CFAP144: variants seen among roughly 807,000 people sequenced by gnomAD.
CFAP144 encodes the protein cilia- and flagella-associated protein 144.
At chr1:43,145,512 C>T in the CFAP144 span, among the ~76,000 whole-genome samples, 4 of 152,290 alleles carry the variant, frequency 2.6e-5, no homozygotes, top group East Asian at 5.8e-4. Context: ...GGGAGGGTCC[C>T]TCCATTGTGC....
At chr1:43,154,337 C>G in the CFAP144 span, among the ~76,000 whole-genome samples, 5 of 142,780 alleles carry the variant, frequency 3.5e-5, no homozygotes, top group African/African-American at 1.3e-4. Flanking sequence ...TATATATCCC[C>G]TCTTTTTATA....
At chr1:43,150,905 TG>T in the CFAP144 span, 1 of 1,129,366 alleles carries the variant, frequency 8.9e-7, no homozygotes, top group African/African-American at 1.6e-5. Context: ...CGTGATATCT[TG>T]GAGCAAGCAT....
chr1:43,149,388 C>G, the CFAP144 span, among the ~76,000 whole-genome samples: 1 of 152,200 alleles, frequency 6.6e-6, no homozygotes, highest in African/African-American at 2.4e-5. Context: ...CATGGATTTC[C>G]TAAATGCATC....
chr1:43,145,682 G>A, the CFAP144 span, among the ~76,000 whole-genome samples: 1 of 152,144 alleles, frequency 6.6e-6, no homozygotes, highest in African/African-American at 2.4e-5. Flanking sequence ...TCAAACTGAG[G>A]TCTAGATTCA....
chr1:43,147,443 T>C, the CFAP144 span, among the ~76,000 whole-genome samples: 1 of 152,222 alleles, frequency 6.6e-6, no homozygotes, highest in African/African-American at 2.4e-5. Context: ...TCTGTCAATA[T>C]TATCACATTG....
the CFAP144 span, chr1:43,147,793 G>A: frequency 3.4e-6 from 5 of 1,486,332 alleles, no homozygotes; most frequent in East Asian, 2.5e-5. Context: ...ATGCAGGCAG[G>A]GTAAGGGGCT....
At chr1:43,152,995 A>G in the CFAP144 span, 1 of 1,543,248 alleles carries the variant, frequency 6.5e-7, no homozygotes, top group Non-Finnish European at 8.8e-7. Flanking sequence ...TGGTGACCGT[A>G]GAATAGAGCA....
the CFAP144 span, among the ~76,000 whole-genome samples, chr1:43,155,228 A>C: frequency 6.6e-6 from 1 of 152,244 alleles, no homozygotes; most frequent in African/African-American, 2.4e-5. Context: ...AAGATAGATC[A>C]TGAAGCAACT....
the CFAP144 span, among the ~76,000 whole-genome samples, chr1:43,149,223 G>T: frequency 1.1e-4 from 17 of 152,106 alleles, no homozygotes; most frequent in African/African-American, 3.9e-4. Context: ...GACATAAGGC[G>T]CATTGGATCT....
chr1:43,150,361 A>G, the CFAP144 span, among the ~76,000 whole-genome samples: 2 of 152,206 alleles, frequency 1.3e-5, no homozygotes, highest in South Asian at 2.1e-4. Flanking sequence ...GGCCTTCCCC[A>G]TAGGCCAGCA....
At chr1:43,146,613 C>T in the CFAP144 span, among the ~76,000 whole-genome samples, 1 of 152,234 alleles carries the variant, frequency 6.6e-6, no homozygotes, top group East Asian at 1.9e-4. Context: ...ATGTACAGCC[C>T]TCAAAATAAT....
chr1:43,148,233 T>G, the CFAP144 span: 1 of 756,758 alleles, frequency 1.3e-6, no homozygotes, highest in Non-Finnish European at 2.1e-6. Flanking sequence ...GAACCATGAC[T>G]TTGGAGAGGC....
At chr1:43,147,852 G>T in the CFAP144 span, 2 of 1,554,204 alleles carry the variant, frequency 1.3e-6, no homozygotes, top group South Asian at 1.2e-5. Context: ...GAGCGCTGTT[G>T]CCTGGAGACC....
the CFAP144 span, among the ~76,000 whole-genome samples, chr1:43,143,348 G>A: frequency 6.6e-6 from 1 of 152,186 alleles, no homozygotes; most frequent in East Asian, 1.9e-4. Context: ...TAAAGAAGCA[G>A]TCTAAGGAAA....
the CFAP144 span, chr1:43,147,829 G>C: frequency 6.6e-7 from 1 of 1,526,362 alleles, no homozygotes; most frequent in Non-Finnish European, 8.8e-7. Flanking sequence ...GCCCCGACCG[G>C]GCAGCACTAC....
chr1:43,150,884 C>A, the CFAP144 span: 3 of 1,345,658 alleles, frequency 2.2e-6, no homozygotes, highest in Non-Finnish European at 3.1e-6. Flanking sequence ...GCTGGAGAGA[C>A]CTCTCAGGGT....
At chr1:43,155,950 C>T in the CFAP144 span, among the ~76,000 whole-genome samples, 23 of 152,334 alleles carry the variant, frequency 1.5e-4, no homozygotes, top group Non-Finnish European at 3.1e-4. Context: ...ACCTAGCATG[C>T]GCTGGGTCTT....
chr1:43,146,630 A>G, the CFAP144 span, among the ~76,000 whole-genome samples: 1 of 152,228 alleles, frequency 6.6e-6, no homozygotes, highest in South Asian at 2.1e-4. Context: ...TAATATATTA[A>G]GAACTCCAAC....
the CFAP144 span, among the ~76,000 whole-genome samples, chr1:43,143,216 C>T: frequency 3.9e-5 from 6 of 152,104 alleles, no homozygotes; most frequent in Non-Finnish European, 5.9e-5. Flanking sequence ...ACCACATTCC[C>T]ACACTGAAGT....
Sources: gnomAD v4.1 joint callset for allele counts (sites outside exome capture counted in the v4.1 genomes callset) on GRCh38, gnomAD v4.1.1 for gene constraint, MANE v1.5 for transcripts, NCBI Gene and HGNC (gene_info 2026-07-23, HGNC 2026-07-21) for gene names.